The following RARB variants were observed in gnomAD, a reference collection of about 807,000 sequenced individuals.
The protein encoded by RARB is retinoic acid receptor beta.
A neutral mutation model predicts 51.9 loss-of-function variants in RARB; 17 were observed. That is an observed-to-expected ratio of 0.33 (90% CI 0.22 to 0.49). The LOEUF (loss-of-function observed/expected upper bound fraction) is 0.49, where lower values mean the gene tolerates loss of function less well. Ranked by LOEUF, RARB falls within the 20% of genes least tolerant of loss-of-function variation. The probability of loss-of-function intolerance (pLI) is 0.99; values close to 1 mark genes in which losing one functional copy is unlikely to be tolerated. For missense variants in RARB, 369 were observed against 550.8 expected, an observed-to-expected ratio of 0.67 and a Z score of 3.30; for synonymous variants, 215 against 195.4, an observed-to-expected ratio of 1.10 and a Z score of -0.84.
intron 5 of RARB, among the ~76,000 whole-genome samples, chr3:25,363,124 T>A (rs76906980): frequency 2.0e-5 from 3 of 152,126 alleles, no homozygotes; most frequent in East Asian, 3.9e-4. Context: ...TAGGACATAA[T>A]TTAAGGACAT....
chr3:25,553,673 G>A (rs1469775644), intron 3 of RARB, among the ~76,000 whole-genome samples: 1 of 152,152 alleles, frequency 6.6e-6, no homozygotes, highest in Non-Finnish European at 1.5e-5. Flanking sequence ...CATTTGGCGT[G>A]CATCTGTTGA....
intron 2 of RARB, among the ~76,000 whole-genome samples, chr3:25,041,975 C>T (rs962051875): frequency 3.2e-4 from 48 of 152,190 alleles, no homozygotes; most frequent in African/African-American, 1.1e-3. Flanking sequence ...CCGCTGTCCC[C>T]AGGGCAGGGT....
chr3:24,946,711 A>T (rs1345779691), intron 2 of RARB, among the ~76,000 whole-genome samples: 1 of 152,108 alleles, frequency 6.6e-6, no homozygotes, highest in African/African-American at 2.4e-5. Flanking sequence ...TTTACAAAAA[A>T]TAGATAAAAC....
intron 4 of RARB, among the ~76,000 whole-genome samples, chr3:25,151,871 A>C (rs1700292762): frequency 6.6e-6 from 1 of 152,118 alleles, no homozygotes; most frequent in South Asian, 2.1e-4. Flanking sequence ...TCTTCACTTC[A>C]GCTACTGTTA....
intron 2 of RARB, among the ~76,000 whole-genome samples, chr3:25,038,442 A>G (rs773889065): frequency 3.9e-5 from 6 of 152,192 alleles, no homozygotes; most frequent in Admixed American, 6.5e-5. Context: ...TAGAATATCT[A>G]TTATTAAATC....
intron 1 of RARB, among the ~76,000 whole-genome samples, chr3:24,849,837 T>C (rs1002238373): frequency 6.6e-6 from 1 of 152,220 alleles, no homozygotes; most frequent in Admixed American, 6.5e-5. Context: ...GATACTTGGC[T>C]TAGTGTAGAT....
intron 5 of RARB, among the ~76,000 whole-genome samples, chr3:25,178,312 G>A (rs911678369): frequency 2.0e-5 from 3 of 152,038 alleles, no homozygotes; most frequent in African/African-American, 7.2e-5. Context: ...AAAAGGGGGA[G>A]TTAAAATATG....
chr3:24,968,756 C>A (rs139007359), intron 2 of RARB, among the ~76,000 whole-genome samples: 2 of 152,126 alleles, frequency 1.3e-5, no homozygotes, highest in Non-Finnish European at 2.9e-5. Flanking sequence ...TTCTGCCTTA[C>A]AATTGCTATT....
intron 5 of RARB, among the ~76,000 whole-genome samples, chr3:25,224,005 C>T (rs1360458290): frequency 6.6e-6 from 1 of 152,032 alleles, no homozygotes; most frequent in Non-Finnish European, 1.5e-5. Context: ...TTTCTAAACA[C>T]ATAAAGCATA....
chr3:25,394,518 T>C (rs907736979), intron 5 of RARB, among the ~76,000 whole-genome samples: 7 of 152,172 alleles, frequency 4.6e-5, no homozygotes, highest in African/African-American at 1.7e-4. Flanking sequence ...CCAACTATTA[T>C]TGTGTTGCCA....
intron 4 of RARB, among the ~76,000 whole-genome samples, chr3:25,576,542 T>C (rs931306383): frequency 2.0e-5 from 3 of 152,182 alleles, no homozygotes; most frequent in Non-Finnish European, 2.9e-5. Context: ...GATGGTCCTT[T>C]CCAAGGTCAT....
chr3:25,506,562 G>C (rs1168899814), intron 3 of RARB, among the ~76,000 whole-genome samples: 3 of 152,022 alleles, frequency 2.0e-5, no homozygotes, highest in African/African-American at 7.2e-5. Context: ...GCTGCAATGA[G>C]CCATTTTCAT....
chr3:25,011,064 A>G (rs1291783341), intron 2 of RARB, among the ~76,000 whole-genome samples: 3 of 152,112 alleles, frequency 2.0e-5, no homozygotes, highest in Non-Finnish European at 4.4e-5. Context: ...TTCGATTGTT[A>G]TTTGTTGATT....
At chr3:25,028,371 G>A (rs545352399) in intron 2 of RARB, among the ~76,000 whole-genome samples, 1 of 152,170 alleles carries the variant, frequency 6.6e-6, no homozygotes, top group Non-Finnish European at 1.5e-5. Flanking sequence ...TTATGCCGGT[G>A]GTTCCCAAAG....
intron 5 of RARB, among the ~76,000 whole-genome samples, chr3:25,253,239 TTATTC>T (rs1258188719): frequency 6.6e-6 from 1 of 152,190 alleles, no homozygotes; most frequent in East Asian, 1.9e-4. Flanking sequence ...ATGTGTTTTT[TTATTC>T]TATTCTCTAT....
chr3:25,166,385 T>C (rs1362199179), intron 4 of RARB, among the ~76,000 whole-genome samples: 1 of 152,152 alleles, frequency 6.6e-6, no homozygotes, highest in Non-Finnish European at 1.5e-5. Flanking sequence ...AACAGGTACT[T>C]GGCTGGATGC....
At chr3:24,937,107 G>C (rs1473498348) in intron 2 of RARB, among the ~76,000 whole-genome samples, 2 of 152,022 alleles carry the variant, frequency 1.3e-5, no homozygotes, top group African/African-American at 4.8e-5. Flanking sequence ...ACTTCAAAAA[G>C]TGATTGTCTC....
At chr3:25,436,765 A>G (rs1369082142) in intron 1 of RARB, among the ~76,000 whole-genome samples, 2 of 152,018 alleles carry the variant, frequency 1.3e-5, no homozygotes, top group East Asian at 1.9e-4. Flanking sequence ...GGGTATAATA[A>G]TTTTCTTGCA....
Position 24,867,589 on chromosome 3 carries a change from C to A in RARB, c.-380+8837C>A, listed in dbSNP as rs1461126320. On this transcript the variant is annotated intron_variant, in intron 2 of 11. Coordinates refer to the RARB transcript ENST00000383772. ...CTTAAAGCCCAGTGGAAATTACTTACCCTTCTGTAGGGGAGGGAGCCTTTG... is the reference window on the plus strand; with the variant it reads ...CTTAAAGCCCAGTGGAAATTACTTAACCTTCTGTAGGGGAGGGAGCCTTTG... 1.3e-5 allele frequency among the ~76,000 whole-genome samples: 2 copies of A among 152,092 alleles called. 1 individual carries two copies. The highest frequency in any genetic ancestry group is 1.3e-4 in the Admixed American group (2 of 15,246).
Sources: gnomAD v4.1 joint callset for allele counts (sites outside exome capture counted in the v4.1 genomes callset) on GRCh38, gnomAD v4.1.1 for gene constraint, MANE v1.5 for transcripts, NCBI Gene and HGNC (gene_info 2026-07-23, HGNC 2026-07-21) for gene names.